COL9A1: variants seen among roughly 807,000 people sequenced by gnomAD.
COL9A1 encodes the protein collagen type IX alpha 1 chain.
Under a neutral mutation model 142.6 loss-of-function variants are expected in COL9A1, and 104 were observed. That is an observed-to-expected ratio of 0.73 (90% confidence interval 0.62 to 0.86). The LOEUF is 0.86. Ranked by LOEUF, COL9A1 falls within the 40% of genes least tolerant of loss-of-function variation. The pLI is 0.00. For missense variants in COL9A1, 1,210 were observed against 1,176.6 expected (o/e 1.03, Z -0.42); for synonymous variants, 466 against 396.0 (o/e 1.18, Z -2.10).
Position 70,299,099 on chromosome 6 carries a change from C to T in COL9A1, c.299+944G>A, listed in dbSNP as rs1583354045. On this transcript the variant is annotated intron_variant, in intron 4 of 37. Coordinates refer to ENST00000357250, the MANE Select transcript of COL9A1 (RefSeq NM_001851.6). ...TTAATTAGTAAATTTATAGAAAGAG[C>T]TCATATAATGTACTATTGTTGTATT... Among the ~76,000 whole-genome samples, 3 of 152,098 alleles carry T rather than the reference C, an allele frequency of 2.0e-5. No homozygotes were observed. In the South Asian group the frequency reaches 6.2e-4, roughly 32 times the overall value.
At position 70,298,491 on chromosome 6, in the gene COL9A1, C is replaced by T. The variant is rs570836653; in HGVS notation, c.299+1552G>A. On this transcript the variant is annotated intron_variant, in intron 4 of 37. Transcript: ENST00000357250. ...CCTTCTTTCCTTATCTTTTAACAAGCCTTGACAGTAAAACAAGATTTTTTA... is the reference window on the plus strand; with the variant it reads ...CCTTCTTTCCTTATCTTTTAACAAGTCTTGACAGTAAAACAAGATTTTTTA... Among the ~76,000 whole-genome samples, 6 of 152,278 alleles carry T rather than the reference C, an allele frequency of 3.9e-5. No individual in the cohort carries two copies. In the East Asian group the frequency reaches 1.2e-3, roughly 29 times the overall value.
chr6:70,294,854 A>C (rs940271753), intron 4 of COL9A1, among the ~76,000 whole-genome samples: 2 of 152,240 alleles, frequency 1.3e-5, no homozygotes, highest in Admixed American at 1.3e-4. Context: ...TATTTATACT[A>C]CCCAAAGAGC....
At chr6:70,258,670 C>G (rs1448664636) in intron 20 of COL9A1, 1 of 152,206 alleles carries the variant, frequency 6.6e-6, no homozygotes, top group African/African-American at 2.4e-5. Context: ...CTCTCTCTCT[C>G]TTATTGCTGT....
chr6:70,249,338 C>T lies in COL9A1; in HGVS notation c.1872+2782G>A, dbSNP rs533839206. Among the ~76,000 whole-genome samples, 3 of 152,126 alleles carry T rather than the reference C, an allele frequency of 2.0e-5. No homozygotes were observed. In the East Asian group the frequency reaches 5.8e-4, roughly 29 times the overall value. ...TGACTGTGGAGACACTACTGATGTT[C>T]GTGCAGGACAGAGGTCATGGATGTG... On this transcript the variant is annotated intron_variant, in intron 28 of 37. Coordinates refer to ENST00000357250, the MANE Select transcript of COL9A1 (RefSeq NM_001851.6).
chr6:70,293,786 C>T (rs1773744722), intron 5 of COL9A1, among the ~76,000 whole-genome samples: 1 of 151,960 alleles, frequency 6.6e-6, no homozygotes, highest in African/African-American at 2.4e-5. Flanking sequence ...TGTACTTTCT[C>T]CTCTCTTTTT....
chr6:70,267,536 G>A (rs1193991050), intron 17 of COL9A1, among the ~76,000 whole-genome samples: 3 of 151,996 alleles, frequency 2.0e-5, no homozygotes, highest in East Asian at 3.9e-4. Context: ...TAGTCAGGCT[G>A]GTCTCGAACT....
At chr6:70,245,392 G>A (rs1367957954) in intron 28 of COL9A1, among the ~76,000 whole-genome samples, 1 of 152,214 alleles carries the variant, frequency 6.6e-6, no homozygotes, top group Non-Finnish European at 1.5e-5. Context: ...GCCAAGGTCT[G>A]ATTGTAAAAA....
chr6:70,299,654 T>G (rs1773981830), intron 4 of COL9A1, among the ~76,000 whole-genome samples: 1 of 152,200 alleles, frequency 6.6e-6, no homozygotes, highest in African/African-American at 2.4e-5. Flanking sequence ...ACCAGGACAC[T>G]TGAACAGCAC....
At chr6:70,233,468 C>T (rs1769688845) in intron 35 of COL9A1, among the ~76,000 whole-genome samples, 1 of 152,166 alleles carries the variant, frequency 6.6e-6, no homozygotes, top group Non-Finnish European at 1.5e-5. Context: ...CCACTAAAGG[C>T]ATGGCCTACA....
At position 70,254,465 on chromosome 6, in the gene COL9A1, C is replaced by A. The variant is rs1294108385; in HGVS notation, c.1719+11G>T. 1 of 1,613,596 alleles carries A rather than the reference C, an allele frequency of 6.2e-7. No homozygotes were observed. The highest frequency in any genetic ancestry group is 2.2e-5 in the East Asian group (1 of 44,876). ...ATAAACCAATTAACATGTAAAGAAT[C>A]AAATACTTACTGGTAACCCCTGCAA... On this transcript the variant is annotated intron_variant, in intron 25 of 37. Coordinates refer to ENST00000357250, the MANE Select transcript of COL9A1 (RefSeq NM_001851.6).
intron 21 of COL9A1, among the ~76,000 whole-genome samples, chr6:70,255,842 C>T (rs1022083124): frequency 4.0e-5 from 6 of 148,500 alleles, no homozygotes; most frequent in Non-Finnish European, 7.5e-5. Flanking sequence ...ACGTGATATA[C>T]GCTACAGGTG....
rs1398040960 is a variant in COL9A1, at chr6:70,232,668, C to G, written c.2418G>C (p.Glu806Asp). 3.1e-6 allele frequency: 5 copies of G among 1,614,084 alleles called. No individual in the cohort carries two copies. The highest frequency in any genetic ancestry group is 4.2e-6 in the Non-Finnish European group (5 of 1,180,034). ...GPPGPPGPPG[E>D]NGFPGQMGIR... ...TTCCCATCTGGCCTGGGAAACCATT[C>G]TCTCCAGGAGGGCCGGGGGGACCAG... The change falls in exon 36 of 38, where the codon GAG becomes GAC. Residue 806 changes from glutamate to aspartate, a missense_variant. Coordinates refer to ENST00000357250, the MANE Select transcript of COL9A1 (RefSeq NM_001851.6).
chr6:70,227,022 A>T (rs1214326016), intron 36 of COL9A1, among the ~76,000 whole-genome samples: 3 of 152,090 alleles, frequency 2.0e-5, no homozygotes, highest in Non-Finnish European at 4.4e-5. Flanking sequence ...AGGCCCAAAT[A>T]CATACAGGAT....
chr6:70,264,392 A>G (rs1435949861), intron 18 of COL9A1, among the ~76,000 whole-genome samples: 1 of 152,126 alleles, frequency 6.6e-6, no homozygotes, highest in Middle Eastern at 3.4e-3. Context: ...TGAGAGTCAT[A>G]CATATTGGTT....
chr6:70,265,814 G>T (rs1771975268), intron 18 of COL9A1, among the ~76,000 whole-genome samples: 1 of 152,002 alleles, frequency 6.6e-6, no homozygotes, highest in Non-Finnish European at 1.5e-5. Context: ...GATTGCTTGA[G>T]GCTATTTAAC....
intron 37 of COL9A1, among the ~76,000 whole-genome samples, chr6:70,219,106 A>T (rs2127546198): frequency 6.6e-6 from 1 of 152,336 alleles, no homozygotes; most frequent in South Asian, 2.1e-4. Context: ...ACCTGTTAAG[A>T]TCCTTAACAC....
intron 36 of COL9A1, among the ~76,000 whole-genome samples, chr6:70,228,707 A>T (rs1769377161): frequency 6.6e-6 from 1 of 152,146 alleles, no homozygotes; most frequent in African/African-American, 2.4e-5. Context: ...TCTTCATGTG[A>T]ATGTTTTTAT....
intron 26 of COL9A1, 25 bp downstream of exon 26, chr6:70,253,360 T>G: frequency 6.8e-7 from 1 of 1,472,646 alleles, no homozygotes; most frequent in Non-Finnish European, 9.5e-7. Flanking sequence ...AGAAAGATAT[T>G]AACTTAAATT....
At position 70,216,777 on chromosome 6, in the gene COL9A1, G is replaced by T; in HGVS notation, c.*120C>A. ...GTAGGACTTCTGTAATCATACTGAA[G>T]GTAATACATTGTAATCATGCTGAAG... On this transcript the variant is annotated 3_prime_UTR_variant, in exon 38 of 38. Transcript: ENST00000357250. 2.0e-6 allele frequency: 2 copies of T among 990,396 alleles called. No individual in the cohort carries two copies. The highest frequency in any genetic ancestry group is 2.6e-5 in the East Asian group (1 of 38,772). 61.4% of individuals were successfully genotyped at this position (990,396 alleles called of 1,614,324 possible). A position where few individuals can be genotyped will look rare whatever the true frequency, so the allele number is the denominator to read the frequency against.
Sources: gnomAD v4.1 joint callset for allele counts (sites outside exome capture counted in the v4.1 genomes callset) on GRCh38, gnomAD v4.1.1 for gene constraint, MANE v1.5 for transcripts, NCBI Gene and HGNC (gene_info 2026-07-23, HGNC 2026-07-21) for gene names.